PTPRM: variants seen among roughly 807,000 people sequenced by gnomAD.
The protein encoded by PTPRM is protein tyrosine phosphatase receptor type M.
In PTPRM, 47 loss-of-function variants were observed where a neutral mutation model predicts 186.7. The ratio of observed to expected loss-of-function variants is 0.25; its 90% confidence interval spans 0.20 to 0.32. The LOEUF is 0.32. Ranked by LOEUF, PTPRM falls within the 10% of genes least tolerant of loss-of-function variation. The probability of loss-of-function intolerance (pLI) is 1.00; values close to 1 mark genes in which losing one functional copy is unlikely to be tolerated. For missense variants in PTPRM, 1,494 were observed against 1,865.0 expected, an observed-to-expected ratio of 0.80 and a Z score of 3.66; for synonymous variants, 668 against 674.9, an observed-to-expected ratio of 0.99 and a Z score of 0.16.
intron 27 of PTPRM, among the ~76,000 whole-genome samples, 171 bp downstream of exon 27, chr18:8,378,585 C>T (rs1203207217): frequency 2.0e-5 from 3 of 152,158 alleles, no homozygotes; most frequent in Non-Finnish European, 2.9e-5. Flanking sequence ...TCTATGGTAT[C>T]ACCACCACAC....
intron 7 of PTPRM, among the ~76,000 whole-genome samples, chr18:8,044,747 A>ACTCT (rs2086915012): frequency 1.6e-5 from 2 of 125,968 alleles, no homozygotes; most frequent in South Asian, 5.6e-4. Flanking sequence ...ACAGAGCAAG[A>ACTCT]CTCTGTCTCA....
intron 31 of PTPRM, among the ~76,000 whole-genome samples, chr18:8,393,945 C>T (rs984284468): frequency 2.0e-5 from 3 of 151,712 alleles, no homozygotes; most frequent in Admixed American, 6.6e-5. Flanking sequence ...CCCGCCACCA[C>T]GCCCGGCTAA....
intron 7 of PTPRM, among the ~76,000 whole-genome samples, chr18:8,057,708 G>GT (rs2088128698): frequency 1.2e-5 from 1 of 84,536 alleles, no homozygotes; most frequent in Non-Finnish European, 2.2e-5. Context: ...GCGGTGTTTG[G>GT]TTTTTTGTTC....
At chr18:7,740,846 C>T (rs966300141) in intron 1 of PTPRM, among the ~76,000 whole-genome samples, 5 of 152,132 alleles carry the variant, frequency 3.3e-5, no homozygotes, top group African/African-American at 9.7e-5. Flanking sequence ...TTAAGCTATA[C>T]GGTATGGGTT....
intron 3 of PTPRM, among the ~76,000 whole-genome samples, chr18:7,901,325 T>C (rs900728158): frequency 3.9e-5 from 6 of 152,292 alleles, no homozygotes; most frequent in Non-Finnish European, 8.8e-5. Flanking sequence ...AATCTGTTTA[T>C]AAGAAACTTG....
intron 2 of PTPRM, among the ~76,000 whole-genome samples, chr18:7,828,573 T>C (rs1186555962): frequency 6.6e-6 from 1 of 152,122 alleles, no homozygotes. Context: ...GCTGAACCCA[T>C]ACAGGGAGGC....
Position 7,622,424 on chromosome 18 carries a change from G to T in PTPRM, c.73+54533G>T, listed in dbSNP as rs1366748051. 2.6e-5 allele frequency among the ~76,000 whole-genome samples: 4 copies of T among 152,034 alleles called. No individual in the cohort carries two copies. The South Asian group carries it at 6.3e-4, about 24-fold the overall frequency. ...AGGAATTGATACTGGGCTCCCAGGG[G>T]TCTATACTGGGTTTTCTGTGGTCTG... is the stretch of plus-strand genomic sequence containing the variant. On this transcript the variant is annotated intron_variant, in intron 1 of 32. Coordinates refer to ENST00000580170, the MANE Select transcript of PTPRM (RefSeq NM_001105244.2).
At chr18:8,202,582 TTC>T (rs2093872524) in intron 14 of PTPRM, among the ~76,000 whole-genome samples, 2 of 144,562 alleles carry the variant, frequency 1.4e-5, no homozygotes, top group Non-Finnish European at 3.0e-5. Flanking sequence ...CTTTCATTTG[TTC>T]TCTGATTTTT....
rs1426131645 is a variant in PTPRM, at chr18:7,984,598, T to TACACAC, written c.1132+29185_1132+29186insCACACA. Among the ~76,000 whole-genome samples, 199 of 115,108 alleles carry TACACAC rather than the reference T, an allele frequency of 1.7e-3. 3 individuals are homozygous for TACACAC. Among genetic ancestry groups the TACACAC allele is most frequent in the African/African-American group, 6.6e-3 (185 of 28,074 alleles). 75.5% of individuals were successfully genotyped at this position (115,108 alleles called of 152,430 possible). A position where few individuals can be genotyped will look rare whatever the true frequency, so the allele number is the denominator to read the frequency against. ...ATATATATATATATATATATATATA[T>TACACAC]ATATACACACACACACACACACACA... is the stretch of plus-strand genomic sequence containing the variant. On this transcript the variant is annotated intron_variant, in intron 7 of 32. Transcript: ENST00000580170.
At position 8,009,640 on chromosome 18, in the gene PTPRM, G is replaced by A. The variant is rs149607751; in HGVS notation, c.1132+54226G>A. On this transcript the variant is annotated intron_variant, in intron 7 of 32. Coordinates refer to ENST00000580170, the MANE Select transcript of PTPRM (RefSeq NM_001105244.2). ...GGAGAATCGCTTGAATCCAGGAGGC[G>A]GAGGTCGCAGTGAGCCAAGATCGCA... 8.3e-3 allele frequency among the ~76,000 whole-genome samples: 1,260 copies of A among 152,194 alleles called. 7 individuals are homozygous for A. The highest frequency in any genetic ancestry group is 0.034 in the South Asian group (163 of 4,822).
At chr18:7,703,274 T>C (rs1354148394) in intron 1 of PTPRM, among the ~76,000 whole-genome samples, 2 of 152,240 alleles carry the variant, frequency 1.3e-5, no homozygotes, top group Non-Finnish European at 2.9e-5. Context: ...ATGGCCATTT[T>C]CATGATATTG....
intron 2 of PTPRM, among the ~76,000 whole-genome samples, chr18:7,802,273 G>GT (rs2145367762): frequency 6.6e-6 from 1 of 152,312 alleles, no homozygotes; most frequent in African/African-American, 2.4e-5. Context: ...AAAGAAAGGA[G>GT]TAAATGTGCT....
At chr18:8,332,666 C>T (rs116732430) in intron 22 of PTPRM, among the ~76,000 whole-genome samples, 236 of 152,232 alleles carry the variant, frequency 1.6e-3, no homozygotes, top group African/African-American at 5.5e-3. Flanking sequence ...ACCTGCAAGG[C>T]AATTTAGAAG....
intron 1 of PTPRM, among the ~76,000 whole-genome samples, chr18:7,673,231 A>G (rs2039259651): frequency 6.6e-6 from 1 of 152,230 alleles, no homozygotes; most frequent in Non-Finnish European, 1.5e-5. Context: ...ACACCTTGGC[A>G]TAGGCAGGCA....
intron 1 of PTPRM, among the ~76,000 whole-genome samples, chr18:7,654,625 C>T (rs112240166): frequency 6.7e-4 from 101 of 151,668 alleles, no homozygotes; most frequent in African/African-American, 2.3e-3. Flanking sequence ...TTAATTTTAG[C>T]ATAGTATGTA....
intron 14 of PTPRM, among the ~76,000 whole-genome samples, chr18:8,243,690 A>T (rs747465752): frequency 6.6e-6 from 1 of 152,236 alleles, no homozygotes; most frequent in Non-Finnish European, 1.5e-5. Context: ...GTTGACAATA[A>T]TTTCGTAAAA....
In PTPRM at chr18:7,568,718, G is replaced by A. The variant is rs1156713581; in HGVS notation, c.73+827G>A. Among the ~76,000 whole-genome samples, 2 of 152,166 alleles carry A rather than the reference G, an allele frequency of 1.3e-5. No individual in the cohort carries two copies. Among genetic ancestry groups the A allele is most frequent in the Non-Finnish European group, 2.9e-5 (2 of 68,020 alleles). On this transcript the variant is annotated intron_variant, in intron 1 of 32. Coordinates refer to ENST00000580170, the MANE Select transcript of PTPRM (RefSeq NM_001105244.2). This position sits in a 1 kb window ranked among gnomAD's most constrained non-coding sequence, Gnocchi z 5.1. The stretch of plus-strand genomic sequence containing the variant: ...GGTGTGCGAGCAAGCGTGTGAGTGT[G>A]TGCGCGTGTGTGCCTGCACGCGCGC...
In PTPRM at chr18:8,126,017, A is replaced by ATTT. The variant is rs1456992081; in HGVS notation, c.2167+11191_2167+11192insTTT. 1.4e-3 allele frequency among the ~76,000 whole-genome samples: 40 copies of ATTT among 29,028 alleles called. 3 individuals are homozygous for ATTT. The highest frequency in any genetic ancestry group is 5.1e-3 in the Admixed American group (8 of 1,578). The allele number at this position is 29,028 out of a possible 152,430, so 19.0% of individuals were successfully genotyped here. A position where few individuals can be genotyped will look rare whatever the true frequency, so the allele number is the denominator to read the frequency against. On this transcript the variant is annotated intron_variant, in intron 13 of 32. Transcript: ENST00000580170. ...TATATATATATATATATATATATAT[A>ATTT]TATATATATATTTTAAATCAGTAGA...
chr18:7,649,246 T>C (rs531811031), intron 1 of PTPRM, among the ~76,000 whole-genome samples: 1 of 152,322 alleles, frequency 6.6e-6, no homozygotes, highest in Admixed American at 6.5e-5. Flanking sequence ...TTACTGCTCA[T>C]TGACAATGCA....
Sources: allele counts gnomAD v4.1 joint callset (sites outside exome capture counted in the v4.1 genomes callset), GRCh38; gene constraint gnomAD v4.1.1; non-coding constraint Gnocchi (gnomAD v3.1); transcripts MANE v1.5; gene names NCBI Gene and HGNC (gene_info 2026-07-23, HGNC 2026-07-21).